Variants in STAT3 observed in about 807,000 individuals in gnomAD.
The protein encoded by STAT3 is DNA-binding protein APRF.
STAT3 carries 7 observed loss-of-function variants against 114.3 expected under a neutral mutation model. The ratio of observed to expected loss-of-function variants is 0.06; its 90% CI spans 0.03 to 0.11. The LOEUF is 0.11. Ranked by LOEUF, STAT3 falls within the 10% of genes least tolerant of loss-of-function variation. The pLI, the probability that STAT3 is intolerant of heterozygous loss-of-function variation, is 1.00. For missense variants in STAT3, 364 were observed against 960.9 expected (o/e 0.38, Z 8.21); for synonymous variants, 331 against 354.5 (o/e 0.93, Z 0.74).
At chr17:42,331,431 A>G (rs377669490) in intron 11 of STAT3, 41 bp downstream of exon 11, 35 of 1,537,880 alleles carry the variant, frequency 2.3e-5, no homozygotes, top group Non-Finnish European at 2.8e-5. Flanking sequence ...TCATTTTTCT[A>G]TTCCTCATTT....
Position 42,337,290 on chromosome 17 carries a change from G to T in STAT3, c.797+145C>A. ...AGCCACAGCGCCTGGCCGAAATAAA[G>T]TAAAAACTTTAATTCTTGGGCTAAA... On this transcript the variant is annotated intron_variant, in intron 8 of 23. Coordinates refer to ENST00000264657, the MANE Select transcript of STAT3 (RefSeq NM_139276.3). The surrounding 1 kb of genome is among the most constrained non-coding windows in gnomAD (Gnocchi z 4.0). 7.7e-7 allele frequency: 1 copy of T among 1,297,100 alleles called. No homozygotes were observed. Among genetic ancestry groups the T allele is most frequent in the Non-Finnish European group, 1.0e-6 (1 of 965,846 alleles). 80.3% of individuals were successfully genotyped at this position (1,297,100 alleles called of 1,614,324 possible).
chr17:42,346,445 G>A, intron 3 of STAT3, 124 bp downstream of exon 3: 1 of 1,415,878 alleles, frequency 7.1e-7, no homozygotes, highest in Non-Finnish European at 9.8e-7. Context: ...CTTCTCCTGT[G>A]ATTGAAAATA....
chr17:42,350,120 C>T (rs570638454), intron 1 of STAT3, among the ~76,000 whole-genome samples: 2 of 151,742 alleles, frequency 1.3e-5, no homozygotes, highest in Non-Finnish European at 2.9e-5. Context: ...AAGGTATGTA[C>T]AGACCAAGGT....
At chr17:42,387,557 T>C (rs1321640826) in intron 1 of STAT3, 2 of 152,220 alleles carry the variant, frequency 1.3e-5, no homozygotes, top group Admixed American at 6.5e-5. Context: ...TATTTCTCTC[T>C]CTAGAGCTGG....
intron 4 of STAT3, among the ~76,000 whole-genome samples, chr17:42,345,090 A>AC (rs1250446304): frequency 6.6e-6 from 1 of 151,374 alleles, no homozygotes; most frequent in Non-Finnish European, 1.5e-5. Flanking sequence ...ACATGAAGAA[A>AC]CCCCGTCTCT....
chr17:42,314,524 C>A lies in STAT3; in HGVS notation c.*1221G>T, dbSNP rs958668641. 14 of 232,560 alleles carry A rather than the reference C, an allele frequency of 6.0e-5. No homozygotes were observed. The highest frequency in any genetic ancestry group is 3.1e-4 in the African/African-American group (14 of 45,208). The allele number at this position is 232,560 out of a possible 1,614,324, so 14.4% of individuals were successfully genotyped here. ...GAAGCCAGAATCAGAAGTATCCCAG[C>A]CCTGATAAGGCACCCACAGAAACAA... is the stretch of plus-strand genomic sequence containing the variant. On this transcript the variant is annotated 3_prime_UTR_variant, in exon 24 of 24. Transcript: ENST00000264657.
intron 1 of STAT3, among the ~76,000 whole-genome samples, chr17:42,379,188 G>A (rs952441138): frequency 2.0e-5 from 3 of 152,168 alleles, no homozygotes; most frequent in Non-Finnish European, 4.4e-5. Context: ...GGGAAGCCAA[G>A]CCGTTTATTT....
At chr17:42,353,061 A>C (rs1223660307) in intron 1 of STAT3, among the ~76,000 whole-genome samples, 1 of 152,210 alleles carries the variant, frequency 6.6e-6, no homozygotes, top group Non-Finnish European at 1.5e-5. Flanking sequence ...AGAAAACTTA[A>C]CATTGGTAGG....
intron 4 of STAT3, 22 bp downstream of exon 4, chr17:42,345,537 T>C (rs2144977616): frequency 6.3e-7 from 1 of 1,581,926 alleles, no homozygotes; most frequent in East Asian, 2.3e-5. Context: ...AGACCAGGGA[T>C]TTGTTTTGTC....
At chr17:42,346,531 G>A (rs779138097) in intron 3 of STAT3, 38 bp downstream of exon 3, 10 of 1,613,796 alleles carry the variant, frequency 6.2e-6, no homozygotes, top group African/African-American at 1.3e-5. Context: ...CCGACTCTGC[G>A]GGTCCTGTTT....
chr17:42,376,599 C>T (rs1411835504), intron 1 of STAT3, among the ~76,000 whole-genome samples: 1 of 150,930 alleles, frequency 6.6e-6, no homozygotes, highest in African/African-American at 2.4e-5. Context: ...GTAATTCCAG[C>T]ACTTTGGGAG....
intron 1 of STAT3, among the ~76,000 whole-genome samples, chr17:42,383,366 C>CTT (rs11408950): frequency 6.7e-4 from 96 of 143,900 alleles, no homozygotes; most frequent in South Asian, 4.7e-3. Context: ...CTGTTTTTGC[C>CTT]TTTTTTTTTT....
At chr17:42,379,684 G>A (rs151124482) in intron 1 of STAT3, among the ~76,000 whole-genome samples, 5 of 152,236 alleles carry the variant, frequency 3.3e-5, no homozygotes, top group East Asian at 1.9e-4. Flanking sequence ...TTTCTGGGTC[G>A]GGAGCAATTC....
Position 42,326,755 on chromosome 17 carries a change from G to C in STAT3, c.1282-556C>G, listed in dbSNP as rs573287390. 4.5e-3 allele frequency among the ~76,000 whole-genome samples: 684 copies of C among 152,276 alleles called. 4 individuals are homozygous for C. The highest frequency in any genetic ancestry group is 0.016 in the African/African-American group (660 of 41,548). ...GAATCGCTTGAACCCAGGAGGCAGA[G>C]GATGCAGTGAGCCGAGATCACGCCA... On this transcript the variant is annotated intron_variant, in intron 14 of 23. Transcript: ENST00000264657.
At chr17:42,364,664 G>A (rs936742375) in intron 1 of STAT3, among the ~76,000 whole-genome samples, 8 of 152,112 alleles carry the variant, frequency 5.3e-5, no homozygotes, top group Admixed American at 5.2e-4. Flanking sequence ...TGTATTTTTC[G>A]TAGAGATGGA....
At chr17:42,320,702 T>C (rs555462019) in intron 21 of STAT3, among the ~76,000 whole-genome samples, 2 of 142,748 alleles carry the variant, frequency 1.4e-5, no homozygotes, top group Non-Finnish European at 3.0e-5. Flanking sequence ...GCACTCCAGC[T>C]TGGGTGATAG....
chr17:42,339,293 G>A (rs775215064), intron 5 of STAT3, 21 bp downstream of exon 5: 27 of 1,600,822 alleles, frequency 1.7e-5, no homozygotes, highest in East Asian at 1.6e-4. Flanking sequence ...CTCCCTGCCC[G>A]AGGCTTGTAA....
chr17:42,325,056 G>C lies in STAT3; in HGVS notation c.1371C>G (p.His457Gln). The C allele has an allele frequency of 6.2e-7, 1 of 1,614,018 alleles. No homozygotes were observed. The highest frequency in any genetic ancestry group is 8.5e-7 in the Non-Finnish European group (1 of 1,179,920). ...HQGLKIDLET[H>Q]SLPVVVISNI... ...TGGAGATCACCACAACTGGCAAGGA[G>C]TGGGTCTGCGGAGGGAGTGGGGACT... The change falls in exon 16 of 24, where the codon CAC becomes CAG. Residue 457 changes from histidine (H) to glutamine (Q), a missense_variant. By Grantham distance (24) the His-to-Gln change is conservative. Transcript: ENST00000264657.
chr17:42,359,842 C>T lies in STAT3; in HGVS notation c.-23-11303G>A, dbSNP rs12602449. On this transcript the variant is annotated intron_variant, in intron 1 of 23. Coordinates refer to ENST00000264657, the MANE Select transcript of STAT3 (RefSeq NM_139276.3). The stretch of plus-strand genomic sequence containing the variant: ...TTGAGAGGCTGAGGCGGGTGGATCA[C>T]GAGGACAGGAGATCGAGACCATCCT... Among the ~76,000 whole-genome samples, 1,157 of 152,006 alleles carry T rather than the reference C, an allele frequency of 7.6e-3. 17 individuals are homozygous for T. The highest frequency in any genetic ancestry group is 0.055 in the East Asian group (282 of 5,146).
Sources: allele counts gnomAD v4.1 joint callset (sites outside exome capture counted in the v4.1 genomes callset), GRCh38; gene constraint gnomAD v4.1.1; non-coding constraint Gnocchi (gnomAD v3.1); transcripts MANE v1.5; gene names NCBI Gene and HGNC (gene_info 2026-07-23, HGNC 2026-07-21).